DAW1: variants seen among roughly 807,000 people sequenced by gnomAD.
DAW1 encodes dynein assembly factor with WD repeats 1.
Under a neutral mutation model 56.5 loss-of-function variants are expected in DAW1, and 47 were observed. The observed-to-expected ratio is 0.83, with a 90% confidence interval of 0.66 to 1.06. DAW1 has a LOEUF of 1.06. Among genes scored for constraint, DAW1 ranks in the 50% least tolerant of loss-of-function variants. The pLI, the probability that DAW1 is intolerant of heterozygous loss-of-function variation, is 0.00. For synonymous variants in DAW1, 190 were observed against 179.0 expected (o/e 1.06, Z -0.49); for missense variants, 505 against 499.3 (o/e 1.01, Z -0.11).
intron 10 of DAW1, chr2:227,912,317 G>T: frequency 7.9e-7 from 1 of 1,269,616 alleles, no homozygotes. Context: ...ACTGCAACCT[G>T]CGCCTCCCAG....
rs1691335673 is a variant in DAW1 at position 227,893,775 on chromosome 2, G to A, written c.318-20G>A. The A allele has an allele frequency of 5.0e-6, 8 of 1,604,574 alleles. No homozygotes were observed. Among genetic ancestry groups the A allele is most frequent in the East Asian group, 2.2e-5 (1 of 44,848 alleles). On this transcript the variant is annotated intron_variant, in intron 4 of 12. Coordinates refer to ENST00000309931, the MANE Select transcript of DAW1 (RefSeq NM_178821.3). ...ACACTGCCATTCTTCCCTGCAACGT[G>A]TTTATATTCCTTGTGTTAGCTTTAT...
intron 10 of DAW1, among the ~76,000 whole-genome samples, chr2:227,913,992 CT>C (rs1691893435): frequency 2.7e-5 from 4 of 148,360 alleles, no homozygotes; most frequent in Non-Finnish European, 6.0e-5. Context: ...ATCTGTATCT[CT>C]CTCTCTCTCT....
rs1574661324 is a variant in DAW1, at chr2:227,902,853, C to T, written c.541-149C>T. 9.4e-6 allele frequency: 7 copies of T among 743,588 alleles called. No individual in the cohort carries two copies. In the East Asian group the frequency reaches 1.9e-4, roughly 20 times the overall value. 46.1% of individuals were successfully genotyped at this position (743,588 alleles called of 1,614,324 possible). A position where few individuals can be genotyped will look rare whatever the true frequency, so the allele number is the denominator to read the frequency against. ...AGAGGAGGACTCTGAAGGACTCAACCTGGGGGTAGCAGGTCACACATACGT... is the reference window on the plus strand; with the variant it reads ...AGAGGAGGACTCTGAAGGACTCAACTTGGGGGTAGCAGGTCACACATACGT... On this transcript the variant is annotated intron_variant, in intron 6 of 12. Transcript: ENST00000309931.
intron 1 of DAW1, among the ~76,000 whole-genome samples, chr2:227,883,779 C>G (rs1691062863): frequency 6.6e-6 from 1 of 152,258 alleles, no homozygotes; most frequent in Non-Finnish European, 1.5e-5. Context: ...ACTCTTCTTA[C>G]TCTTTTTAGG....
chr2:227,886,215 T>G lies in DAW1; in HGVS notation c.113+792T>G, dbSNP rs141134223. On this transcript the variant is annotated intron_variant, in intron 2 of 12. Transcript: ENST00000309931. ...TGCATATGTTCCTCCTCATTAATTG[T>G]CATGGGGCAGAAAAGGGAGACCTAA... Among the ~76,000 whole-genome samples the G allele has an allele frequency of 4.3e-3, 662 of 152,286 alleles. 2 individuals are homozygous for G. Among genetic ancestry groups the G allele is most frequent in the Middle Eastern group, 0.014 (4 of 294 alleles).
chr2:227,920,955 G>A (rs374468537), intron 11 of DAW1, among the ~76,000 whole-genome samples: 5 of 151,970 alleles, frequency 3.3e-5, no homozygotes, highest in Admixed American at 3.3e-4. Flanking sequence ...CTGGGATTAC[G>A]GTCCTGAGCC....
rs146121485 is a variant in DAW1 at position 227,907,213 on chromosome 2, G to A, written c.934G>A (p.Asp312Asn). ...TGATGAAATACTAGACAGCTGCTTT[G>A]ATTACACTGGAAAGCTTATTGCAAC... ...HDDEILDSCF[D>N]YTGKLIATAS... The change falls in exon 10 of 13, where the codon GAT (aspartate) becomes AAT (asparagine). Residue 312 changes from aspartate (D) to asparagine (N), a missense_variant. Transcript: ENST00000309931. 260 of 1,613,110 alleles carry A rather than the reference G, an allele frequency of 1.6e-4. No individual in the cohort carries two copies. Among genetic ancestry groups the A allele is most frequent in the Non-Finnish European group, 2.1e-4 (252 of 1,179,746 alleles).
intron 4 of DAW1, among the ~76,000 whole-genome samples, chr2:227,892,923 C>T (rs1046489226): frequency 6.6e-6 from 1 of 152,164 alleles, no homozygotes; most frequent in African/African-American, 2.4e-5. Flanking sequence ...ACACTCTATT[C>T]ACTATTCCTG....
At chr2:227,896,639 A>C (rs1470085986) in intron 5 of DAW1, among the ~76,000 whole-genome samples, 2 of 145,752 alleles carry the variant, frequency 1.4e-5, no homozygotes, top group Admixed American at 1.4e-4. Flanking sequence ...TGTATGAGAG[A>C]GAGAGAGAGA....
At chr2:227,873,338 T>C (rs12468327) in intron 1 of DAW1, among the ~76,000 whole-genome samples, 61,201 of 152,080 alleles carry the variant, frequency 0.4, 13,739 homozygotes, top group Admixed American at 0.55. Context: ...CCATTTAATG[T>C]AAACTTCGTG....
intron 1 of DAW1, among the ~76,000 whole-genome samples, chr2:227,876,077 A>G (rs1005875906): frequency 6.6e-6 from 1 of 151,424 alleles, no homozygotes; most frequent in African/African-American, 2.4e-5. Flanking sequence ...GTGCAGTGGC[A>G]TGATCTTGGC....
In DAW1 at chr2:227,918,820, T is replaced by A. The variant is rs767407513; in HGVS notation, c.1014T>A (p.Ile338=). ...TCAGTGCTGCCACAAGAAAATGCAT[T>A]GCCAAACTGGAAGGTCATGAAGGTG... ...RIFSAATRKC[I]AKLEGHEGEI... is the part of the protein sequence containing the mutation. The change falls in exon 11 of 13, where the codon ATT becomes ATA. Residue 338 remains isoleucine (I), a synonymous_variant. Transcript: ENST00000309931. The A allele has an allele frequency of 2.0e-5, 33 of 1,614,040 alleles. No homozygotes were observed. The Admixed American group carries it at 5.5e-4, about 27-fold the overall frequency.
chr2:227,877,344 G>A (rs1466323181), intron 1 of DAW1, among the ~76,000 whole-genome samples: 1 of 152,206 alleles, frequency 6.6e-6, no homozygotes, highest in Non-Finnish European at 1.5e-5. Context: ...GTAGATATGT[G>A]GTTTTACCAT....
chr2:227,885,019 C>T (rs6741345), intron 1 of DAW1, among the ~76,000 whole-genome samples: 5 of 151,954 alleles, frequency 3.3e-5, no homozygotes, highest in African/African-American at 1.2e-4. Context: ...GTGTGGAATG[C>T]GGTGATAAAA....
chr2:227,885,975 C>CT (rs10655811), intron 2 of DAW1, among the ~76,000 whole-genome samples: 8,104 of 131,932 alleles, frequency 0.061, 864 homozygotes, highest in African/African-American at 0.21. Context: ...TTTTTCTTTC[C>CT]TTTTTTTTTT....
Position 227,905,026 on chromosome 2 carries a change from A to G in DAW1, c.746A>G (p.Asp249Gly), listed in dbSNP as rs1218199504. The change falls in exon 8 of 13, where the codon GAT becomes GGT. Residue 249 changes from aspartate (D) to glycine (G), a missense_variant. By Grantham distance (94) the Asp-to-Gly change is moderately conservative (BLOSUM62 -1). Transcript: ENST00000309931. ...CATACCGTTGTAGTGTGGGACGCTG[A>G]TACTGGAAGGTAATTCTTAGTTCTT... ...FDHTVVVWDA[D>G]TGRKVNILIG... 1.2e-6 allele frequency: 2 copies of G among 1,612,312 alleles called. No individual in the cohort carries two copies. Among genetic ancestry groups the G allele is most frequent in the Non-Finnish European group, 1.7e-6 (2 of 1,179,014 alleles).
chr2:227,906,062 A>T (rs531091514), intron 8 of DAW1, among the ~76,000 whole-genome samples, 174 bp from the exon 9 acceptor site: 32 of 152,228 alleles, frequency 2.1e-4, no homozygotes, highest in African/African-American at 7.5e-4. Context: ...GCTGAAATGA[A>T]ATTATTGGTA....
chr2:227,884,043 G>A (rs1202935639), intron 1 of DAW1, among the ~76,000 whole-genome samples: 1 of 152,144 alleles, frequency 6.6e-6, no homozygotes, highest in Admixed American at 6.5e-5. Context: ...AGGAGGCTCT[G>A]TCCAGTTTTT....
intron 10 of DAW1, among the ~76,000 whole-genome samples, chr2:227,909,236 C>CTA (rs1257617704): frequency 1.7e-5 from 2 of 117,754 alleles, no homozygotes; most frequent in African/African-American, 6.1e-5. Context: ...GTGATATTAT[C>CTA]TATCTATCTA....
Sources: allele counts gnomAD v4.1 joint callset (sites outside exome capture counted in the v4.1 genomes callset), GRCh38; gene constraint gnomAD v4.1.1; transcripts MANE v1.5; gene names NCBI Gene and HGNC (gene_info 2026-07-23, HGNC 2026-07-21).